IGSF21: variants seen among roughly 807,000 people sequenced by gnomAD.
IGSF21 encodes the protein immunoglobin superfamily member 21.
A neutral mutation model predicts 46.8 loss-of-function variants in IGSF21; 28 were observed. That is an observed-to-expected ratio of 0.60 (90% confidence interval 0.44 to 0.82). The LOEUF is 0.82. Among genes scored for constraint, IGSF21 ranks in the 40% least tolerant of loss-of-function variants. The pLI is 0.00. For missense variants in IGSF21, 624 were observed against 665.5 expected (o/e 0.94, Z 0.69); for synonymous variants, 284 against 273.6 (o/e 1.04, Z -0.38).
At chr1:18,339,285 C>T (rs774472478) in intron 4 of IGSF21, among the ~76,000 whole-genome samples, 10 of 152,164 alleles carry the variant, frequency 6.6e-5, no homozygotes, top group East Asian at 5.8e-4. Flanking sequence ...GCCCAGAGCA[C>T]GTACTTATAC....
intron 3 of IGSF21, among the ~76,000 whole-genome samples, chr1:18,301,728 A>T (rs1291107350): frequency 6.6e-6 from 1 of 152,096 alleles, no homozygotes; most frequent in Non-Finnish European, 1.5e-5. Context: ...CCCTACACAC[A>T]TGTGCGTGTG....
chr1:18,239,868 A>T (rs947780821), intron 2 of IGSF21, among the ~76,000 whole-genome samples: 1 of 152,072 alleles, frequency 6.6e-6, no homozygotes, highest in Non-Finnish European at 1.5e-5. Context: ...CTCTCAAAAT[A>T]CTAAGCACGT....
intron 3 of IGSF21, among the ~76,000 whole-genome samples, chr1:18,332,534 G>A (rs2085724376): frequency 6.6e-6 from 1 of 151,582 alleles, no homozygotes; most frequent in Non-Finnish European, 1.5e-5. Flanking sequence ...GTCACTCCAG[G>A]TGACTGTCAC....
intron 1 of IGSF21, among the ~76,000 whole-genome samples, chr1:18,145,538 T>A (rs2086457604): frequency 6.6e-6 from 1 of 151,996 alleles, no homozygotes; most frequent in South Asian, 2.1e-4. Context: ...GACAGAGGGA[T>A]GGGCAGGCAG....
intron 2 of IGSF21, among the ~76,000 whole-genome samples, chr1:18,273,419 C>T (rs2085064919): frequency 7.1e-6 from 1 of 140,018 alleles, no homozygotes; most frequent in African/African-American, 2.7e-5. Flanking sequence ...CCTTTCTTTT[C>T]CTTTCCTTTC....
intron 1 of IGSF21, among the ~76,000 whole-genome samples, chr1:18,149,005 C>T (rs1037864520): frequency 8.5e-5 from 13 of 152,324 alleles, no homozygotes; most frequent in East Asian, 3.9e-4. Context: ...GTCAGCAAGA[C>T]GTGCTCACCA....
intron 2 of IGSF21, among the ~76,000 whole-genome samples, chr1:18,229,954 G>A (rs1455767624): frequency 1.3e-5 from 2 of 152,232 alleles, no homozygotes; most frequent in East Asian, 1.9e-4. Context: ...GAGACCCAGT[G>A]GGAACAGTTA....
At chr1:18,213,213 C>G in intron 1 of IGSF21, among the ~76,000 whole-genome samples, 1 of 152,284 alleles carries the variant, frequency 6.6e-6, no homozygotes, top group East Asian at 1.9e-4. Context: ...TTTCATTCAT[C>G]TTATTCATTC....
chr1:18,146,633 G>A lies in IGSF21; in HGVS notation c.70+38435G>A, dbSNP rs58035167. On this transcript the variant is annotated intron_variant, in intron 1 of 9. Transcript: ENST00000251296. Reference sequence around the variant, plus strand: ...CAAGGTAGTAGGAGAGGAACTGAGCGTTCAGCCTTGTTTGATATGTGAGCA... The same window carrying A: ...CAAGGTAGTAGGAGAGGAACTGAGCATTCAGCCTTGTTTGATATGTGAGCA... 2.6e-3 allele frequency among the ~76,000 whole-genome samples: 392 copies of A among 152,242 alleles called. 3 individuals carry two copies. The highest frequency in any genetic ancestry group is 9.1e-3 in the African/African-American group (377 of 41,536).
intron 1 of IGSF21, among the ~76,000 whole-genome samples, chr1:18,213,001 T>C (rs537385814): frequency 6.6e-6 from 1 of 152,370 alleles, no homozygotes; most frequent in South Asian, 2.1e-4. Flanking sequence ...GGTCCTGGTC[T>C]TGAGTTGCCT....
chr1:18,207,395 C>T (rs923357412), intron 1 of IGSF21, among the ~76,000 whole-genome samples: 3 of 152,268 alleles, frequency 2.0e-5, no homozygotes, highest in African/African-American at 7.2e-5. Flanking sequence ...GATTAGGATG[C>T]AGAACCTTAG....
intron 3 of IGSF21, among the ~76,000 whole-genome samples, chr1:18,324,200 T>C (rs1311157261): frequency 6.6e-6 from 1 of 152,180 alleles, no homozygotes. Context: ...CCCAGCCCCA[T>C]GGAATGATTC....
At chr1:18,270,715 G>A (rs954537164) in intron 2 of IGSF21, among the ~76,000 whole-genome samples, 5 of 152,092 alleles carry the variant, frequency 3.3e-5, no homozygotes, top group African/African-American at 4.8e-5. Flanking sequence ...CCTGCCCTTC[G>A]TGCAGACCCC....
intron 3 of IGSF21, among the ~76,000 whole-genome samples, chr1:18,305,603 TA>T (rs2085418093): frequency 1.3e-5 from 2 of 149,030 alleles, no homozygotes; most frequent in Non-Finnish European, 1.5e-5. Flanking sequence ...GGATGATGGA[TA>T]GATGGATGGA....
At chr1:18,122,590 A>G (rs1203451009) in intron 1 of IGSF21, among the ~76,000 whole-genome samples, 1 of 147,084 alleles carries the variant, frequency 6.8e-6, no homozygotes, top group African/African-American at 2.5e-5. Flanking sequence ...GGAATAATGT[A>G]TGGGTTTGTT....
chr1:18,276,114 A>G (rs1479287261), intron 2 of IGSF21, among the ~76,000 whole-genome samples: 1 of 152,226 alleles, frequency 6.6e-6, no homozygotes, highest in Non-Finnish European at 1.5e-5. Context: ...TCAGTCAAAT[A>G]GAGCCTTGTA....
chr1:18,198,448 C>T (rs1191358013), intron 1 of IGSF21, among the ~76,000 whole-genome samples: 1 of 152,220 alleles, frequency 6.6e-6, no homozygotes, highest in African/African-American at 2.4e-5. Context: ...GCCCAGGAGC[C>T]AGGCTCCCAG....
intron 2 of IGSF21, among the ~76,000 whole-genome samples, chr1:18,289,289 C>A (rs777126002): frequency 3.1e-4 from 47 of 152,190 alleles, no homozygotes; most frequent in Non-Finnish European, 5.0e-4. Flanking sequence ...AGGATGCCTT[C>A]CGCTTTATGA....
chr1:18,374,506 A>G (rs1370263906), intron 6 of IGSF21, among the ~76,000 whole-genome samples: 1 of 151,994 alleles, frequency 6.6e-6, no homozygotes, highest in East Asian at 1.9e-4. Flanking sequence ...CTCAGCTCGC[A>G]GGTATCCCAG....
Sources: gnomAD v4.1 joint callset for allele counts (sites outside exome capture counted in the v4.1 genomes callset) on GRCh38, gnomAD v4.1.1 for gene constraint, MANE v1.5 for transcripts, NCBI Gene and HGNC (gene_info 2026-07-23, HGNC 2026-07-21) for gene names.